AGK: variants seen among roughly 807,000 people sequenced by gnomAD.
AGK encodes the protein acylglycerol kinase, mitochondrial.
AGK carries 52 observed loss-of-function variants against 66.4 expected under a neutral mutation model. That is an observed-to-expected ratio of 0.78 (90% CI 0.63 to 0.99). AGK has a LOEUF of 0.99. Ranked by LOEUF, AGK falls within the 50% of genes least tolerant of loss-of-function variation. The pLI, the probability that AGK is intolerant of heterozygous loss-of-function variation, is 0.00. For missense variants in AGK, 451 were observed against 506.6 expected (o/e 0.89, Z 1.05); for synonymous variants, 182 against 181.1 (o/e 1.00, Z -0.04).
intron 6 of AGK, among the ~76,000 whole-genome samples, chr7:141,612,833 C>G (rs1004214747): frequency 2.6e-5 from 4 of 152,186 alleles, no homozygotes; most frequent in African/African-American, 7.2e-5. Context: ...TTGGAAACCC[C>G]TAAAGAGCCC....
chr7:141,609,839 T>C (rs909504305), intron 5 of AGK, among the ~76,000 whole-genome samples: 32 of 152,218 alleles, frequency 2.1e-4, no homozygotes, highest in Non-Finnish European at 7.3e-5. Context: ...GAGAGGGCCT[T>C]GCCATGAATA....
chr7:141,603,438 TG>T (rs1374298335), intron 5 of AGK, among the ~76,000 whole-genome samples: 1 of 152,242 alleles, frequency 6.6e-6, no homozygotes. Context: ...CTAGTACTAT[TG>T]GTAATTTATA....
At chr7:141,551,610 G>A (rs1301285850) in intron 1 of AGK, among the ~76,000 whole-genome samples, 176 bp downstream of exon 1, 3 of 152,172 alleles carry the variant, frequency 2.0e-5, no homozygotes, top group Non-Finnish European at 4.4e-5. Flanking sequence ...GCGGCGGCGC[G>A]GCTTGAGGGT....
At chr7:141,613,053 G>A (rs1224947373) in intron 6 of AGK, among the ~76,000 whole-genome samples, 1 of 152,128 alleles carries the variant, frequency 6.6e-6, no homozygotes, top group East Asian at 1.9e-4. Flanking sequence ...TGCTAATGAT[G>A]TTGTAATTGT....
chr7:141,596,407 G>A (rs929242052), intron 3 of AGK, among the ~76,000 whole-genome samples, 155 bp from the exon 4 acceptor site: 1 of 152,030 alleles, frequency 6.6e-6, no homozygotes, highest in African/African-American at 2.4e-5. Flanking sequence ...GTTGTTGATG[G>A]TGTTTTCGTT....
chr7:141,578,222 G>A lies in AGK; in HGVS notation c.102-14924G>A, dbSNP rs112474173. Among the ~76,000 whole-genome samples, 1,352 of 151,832 alleles carry A rather than the reference G, an allele frequency of 8.9e-3. 9 individuals are homozygous for A. Among genetic ancestry groups the A allele is most frequent in the Middle Eastern group, 0.017 (5 of 294 alleles). On this transcript the variant is annotated intron_variant, in intron 2 of 15. Coordinates refer to ENST00000649286, the MANE Select transcript of AGK (RefSeq NM_018238.4). ...GGGGCCATTTTATAAGATTTGGGTG[G>A]ATAGTGGAAAATTACAGTCAAAGGG... is the stretch of plus-strand genomic sequence containing the variant.
At chr7:141,583,230 T>C (rs1273686769) in intron 2 of AGK, among the ~76,000 whole-genome samples, 1 of 151,772 alleles carries the variant, frequency 6.6e-6, no homozygotes, top group Non-Finnish European at 1.5e-5. Flanking sequence ...CAGGTGTGAG[T>C]TGAAGACGTT....
At position 141,653,837 on chromosome 7, in the gene AGK, A is replaced by G. The variant is rs1481746560; in HGVS notation, c.*913A>G. On this transcript the variant is annotated 3_prime_UTR_variant, in exon 16 of 16. Transcript: ENST00000649286. ...TTCATGGGAAGTTAAATAGTTGACA[A>G]AGTATGTATTTGCTGGTGTCGTGTA... 6.6e-6 allele frequency: 1 copy of G among 152,248 alleles called. No individual in the cohort carries two copies. Among genetic ancestry groups the G allele is most frequent in the African/African-American group, 2.4e-5 (1 of 41,454 alleles). The allele number at this position is 152,248 out of a possible 1,614,324, so 9.4% of individuals were successfully genotyped here. A position where few individuals can be genotyped will look rare whatever the true frequency, so the allele number is the denominator to read the frequency against.
At chr7:141,597,258 T>G (rs1796246544) in intron 4 of AGK, 1 of 152,512 alleles carries the variant, frequency 6.6e-6, no homozygotes, top group East Asian at 1.9e-4. Flanking sequence ...GGGTATATAA[T>G]GATTTGATCA....
At chr7:141,596,664 A>G (rs569805617) in intron 4 of AGK, 23 bp downstream of exon 4, 10 of 1,604,584 alleles carry the variant, frequency 6.2e-6, no homozygotes, top group African/African-American at 5.3e-5. Context: ...GTGACTTGTT[A>G]TATACTTGCT....
At chr7:141,638,027 A>C (rs763400234) in intron 11 of AGK, among the ~76,000 whole-genome samples, 1 of 152,190 alleles carries the variant, frequency 6.6e-6, no homozygotes, top group Non-Finnish European at 1.5e-5. Flanking sequence ...GAAGAAATAG[A>C]GTAGCTACAT....
At chr7:141,596,063 A>T (rs1038960799) in intron 3 of AGK, among the ~76,000 whole-genome samples, 1 of 152,214 alleles carries the variant, frequency 6.6e-6, no homozygotes, top group Non-Finnish European at 1.5e-5. Context: ...GCTGCTATTT[A>T]GTTATCATAC....
intron 10 of AGK, among the ~76,000 whole-genome samples, chr7:141,636,096 T>A (rs1175090730): frequency 3.9e-5 from 6 of 152,232 alleles, no homozygotes; most frequent in Non-Finnish European, 8.8e-5. Context: ...GTAGCTTTTA[T>A]GTATTTAGCA....
chr7:141,601,777 GGACTCT>G (rs1334311101), intron 5 of AGK, among the ~76,000 whole-genome samples: 18 of 152,176 alleles, frequency 1.2e-4, no homozygotes, highest in Admixed American at 9.8e-4. Context: ...CGAAGATGCA[GGACTCT>G]ACTTGTTGAA....
In AGK at chr7:141,598,084, A is replaced by C. The variant is rs1008687801; in HGVS notation, c.221+1443A>C. Among the ~76,000 whole-genome samples the C allele has an allele frequency of 1.3e-5, 2 of 152,100 alleles. No individual in the cohort carries two copies. The highest frequency in any genetic ancestry group is 4.8e-5 in the African/African-American group (2 of 41,422). On this transcript the variant is annotated intron_variant, in intron 4 of 15. Transcript: ENST00000649286. The surrounding 1 kb of genome is among the most constrained non-coding windows in gnomAD (Gnocchi z 4.2). ...AGTAAAACACAGGGTCTCTGAAGTCAGTTTTTCTAGTCATTTCTTGAGAGG... is the reference window on the plus strand; with the variant it reads ...AGTAAAACACAGGGTCTCTGAAGTCCGTTTTTCTAGTCATTTCTTGAGAGG...
At chr7:141,575,279 A>G (rs1000689787) in intron 2 of AGK, among the ~76,000 whole-genome samples, 3 of 152,218 alleles carry the variant, frequency 2.0e-5, no homozygotes, top group African/African-American at 7.2e-5. Context: ...TCTAGGCCTA[A>G]GCCTTTTAGT....
chr7:141,614,278 C>T (rs1020057490), intron 7 of AGK, 100 bp downstream of exon 7: 20 of 869,788 alleles, frequency 2.3e-5, no homozygotes, highest in South Asian at 1.0e-4. Context: ...TATTTTAAAA[C>T]GGGTACAAAT....
chr7:141,570,084 A>G (rs1446534814), intron 2 of AGK, among the ~76,000 whole-genome samples: 1 of 152,154 alleles, frequency 6.6e-6, no homozygotes, highest in East Asian at 1.9e-4. Context: ...CCTGGCACAT[A>G]TTAAAAATAG....
chr7:141,580,310 T>A (rs1361590562), intron 2 of AGK, among the ~76,000 whole-genome samples: 1 of 151,958 alleles, frequency 6.6e-6, no homozygotes, highest in African/African-American at 2.4e-5. Flanking sequence ...GAAGATACTA[T>A]AGCATAGCCT....
Sources: gnomAD v4.1 joint callset for allele counts (sites outside exome capture counted in the v4.1 genomes callset) on GRCh38, gnomAD v4.1.1 for gene constraint, Gnocchi (gnomAD v3.1) non-coding constraint, MANE v1.5 for transcripts, NCBI Gene and HGNC (gene_info 2026-07-23, HGNC 2026-07-21) for gene names.